Variants in RIBC2 observed in about 807,000 individuals in gnomAD.
RIBC2 encodes RIB43A domain with coiled-coils 2.
RIBC2 carries 40 observed loss-of-function variants against 44.3 expected under a neutral mutation model. That is an observed-to-expected ratio of 0.90 (90% confidence interval 0.70 to 1.18). RIBC2 has a LOEUF of 1.18. Ranked by LOEUF, RIBC2 falls within the 50% of genes most tolerant of loss-of-function variation. The pLI, the probability that RIBC2 is intolerant of heterozygous loss-of-function variation, is 0.00. For missense variants in RIBC2, 459 were observed against 485.5 expected (o/e 0.95, Z 0.51); for synonymous variants, 171 against 175.0 (o/e 0.98, Z 0.18).
chr22:45,414,144 G>A, intron 1 of RIBC2, 129 bp downstream of exon 1: 1 of 1,481,204 alleles, frequency 6.8e-7, no homozygotes, highest in East Asian at 2.5e-5. Flanking sequence ...CTCCTGCAGG[G>A]CCAATAATGC....
chr22:45,423,543 G>A (rs1394519839), intron 4 of RIBC2, among the ~76,000 whole-genome samples: 2 of 152,118 alleles, frequency 1.3e-5, no homozygotes, highest in Non-Finnish European at 1.5e-5. Flanking sequence ...CTATCATTAA[G>A]GTATAGTAGT....
In RIBC2 at chr22:45,417,775, G is replaced by T; in HGVS notation, c.385G>T (p.Ala129Ser). Residue 129 changes from alanine to serine, a missense_variant, in exon 3 of 7, where the codon GCC becomes TCC. Physicochemically the swap from Ala to Ser is moderately conservative, Grantham distance 99. Coordinates refer to ENST00000614167, the MANE Select transcript of RIBC2 (RefSeq NM_015653.5). ...CCTAGCCCTTAAGAAAGATCTTCCA[G>T]CCCGGCAGTCAGATAATGATGTTCG... ...DPLALKKDLP[A>S]RQSDNDVRNT... 6.2e-7 allele frequency: 1 copy of T among 1,614,150 alleles called. No individual in the cohort carries two copies. The highest frequency in any genetic ancestry group is 8.5e-7 in the Non-Finnish European group (1 of 1,180,028).
At chr22:45,421,595 G>GTAT (rs113745883) in intron 3 of RIBC2, among the ~76,000 whole-genome samples, 1 of 32,002 alleles carries the variant, frequency 3.1e-5, no homozygotes, top group Non-Finnish European at 5.3e-5. Flanking sequence ...AATAATAATA[G>GTAT]TATTATTAAT....
intron 3 of RIBC2, 57 bp downstream of exon 3, chr22:45,418,003 A>T: frequency 9.3e-7 from 1 of 1,069,966 alleles, no homozygotes. Flanking sequence ...AACCAACCCT[A>T]CAGTTTTTTT....
intron 2 of RIBC2, among the ~76,000 whole-genome samples, chr22:45,415,809 C>G (rs1439563561): frequency 1.3e-5 from 2 of 152,188 alleles, no homozygotes; most frequent in African/African-American, 4.8e-5. Context: ...AAGCAATTCT[C>G]CTGTCTCAGC....
At chr22:45,431,104 G>C in intron 6 of RIBC2, 38 bp downstream of exon 6, 1 of 1,554,100 alleles carries the variant, frequency 6.4e-7, no homozygotes, top group South Asian at 1.2e-5. Context: ...GTGGGGGACC[G>C]GGTGGAGGGA....
chr22:45,423,315 C>T (rs1458322466), intron 4 of RIBC2, among the ~76,000 whole-genome samples: 1 of 151,862 alleles, frequency 6.6e-6, no homozygotes, highest in Non-Finnish European at 1.5e-5. Context: ...GCCTCTCCCT[C>T]CCCCCACAAG....
chr22:45,422,438 C>T (rs113993286), intron 4 of RIBC2, 30 bp downstream of exon 4: 34 of 1,501,338 alleles, frequency 2.3e-5, no homozygotes, highest in Middle Eastern at 1.7e-4. Flanking sequence ...TCGGGCTCGA[C>T]GACTGGAGGG....
At chr22:45,431,871 G>C (rs2087583454) in intron 6 of RIBC2, among the ~76,000 whole-genome samples, 1 of 152,214 alleles carries the variant, frequency 6.6e-6, no homozygotes, top group Non-Finnish European at 1.5e-5. Context: ...TACTGGGGAG[G>C]CTGAGGCAGG....
At chr22:45,427,154 A>G (rs1286434834) in intron 5 of RIBC2, among the ~76,000 whole-genome samples, 1 of 152,220 alleles carries the variant, frequency 6.6e-6, no homozygotes, top group African/African-American at 2.4e-5. Flanking sequence ...ACCACACATA[A>G]CAGCATCTTA....
chr22:45,416,651 G>A (rs2087427766), intron 2 of RIBC2, among the ~76,000 whole-genome samples: 1 of 151,738 alleles, frequency 6.6e-6, no homozygotes, highest in Non-Finnish European at 1.5e-5. Context: ...TAGTAGAGAC[G>A]GGGTTTCACC....
At chr22:45,414,178 C>T in intron 1 of RIBC2, 144 bp from the exon 2 acceptor site, 2 of 1,477,236 alleles carry the variant, frequency 1.4e-6, no homozygotes, top group Non-Finnish European at 1.8e-6. Flanking sequence ...CGCCTGGAGT[C>T]ACCAACGGTT....
intron 4 of RIBC2, among the ~76,000 whole-genome samples, chr22:45,425,193 G>A (rs922537946): frequency 6.6e-6 from 1 of 152,184 alleles, no homozygotes; most frequent in African/African-American, 2.4e-5. Context: ...ACTTCCTTAG[G>A]GAGTACTCAG....
At chr22:45,423,830 G>C (rs1026133489) in intron 4 of RIBC2, among the ~76,000 whole-genome samples, 1 of 152,210 alleles carries the variant, frequency 6.6e-6, no homozygotes, top group Non-Finnish European at 1.5e-5. Flanking sequence ...AAAGAGGGGA[G>C]GCTGTTTGCT....
chr22:45,427,650 A>G (rs1316002290), intron 5 of RIBC2, among the ~76,000 whole-genome samples: 1 of 152,202 alleles, frequency 6.6e-6, no homozygotes, highest in African/African-American at 2.4e-5. Flanking sequence ...GTATGCATGT[A>G]TTTTGAGACA....
chr22:45,421,589 A>C (rs1445630465), intron 3 of RIBC2, among the ~76,000 whole-genome samples: 1 of 37,950 alleles, frequency 2.6e-5, no homozygotes, highest in Non-Finnish European at 4.6e-5. Flanking sequence ...ATTAATAATA[A>C]TAATAGTATT....
Position 45,413,876 on chromosome 22 carries a change from T to C in RIBC2, c.-11T>C. Reference sequence around the variant, plus strand: ...TGATCCTGCGTGTTCTAAAAACCCCTTAGGCTTTCCATGGGTTCCCAGACC... The same window carrying C: ...TGATCCTGCGTGTTCTAAAAACCCCCTAGGCTTTCCATGGGTTCCCAGACC... On this transcript the variant is annotated 5_prime_UTR_variant, in exon 1 of 7. Coordinates refer to ENST00000614167, the MANE Select transcript of RIBC2 (RefSeq NM_015653.5). The C allele has an allele frequency of 6.5e-7, 1 of 1,548,474 alleles. No individual in the cohort carries two copies. Among genetic ancestry groups the C allele is most frequent in the East Asian group, 2.4e-5 (1 of 40,824 alleles).
At chr22:45,418,005 A>AT in intron 3 of RIBC2, 59 bp downstream of exon 3, 20 of 871,912 alleles carry the variant, frequency 2.3e-5, no homozygotes, top group East Asian at 1.0e-4. Context: ...CCAACCCTAC[A>AT]GTTTTTTTTT....
At chr22:45,419,965 G>T (rs2087462195) in intron 3 of RIBC2, among the ~76,000 whole-genome samples, 1 of 152,190 alleles carries the variant, frequency 6.6e-6, no homozygotes, top group Admixed American at 6.5e-5. Context: ...GGCGGAGCTT[G>T]CAGTGAGCTG....
Sources: gnomAD v4.1 joint callset for allele counts (sites outside exome capture counted in the v4.1 genomes callset) on GRCh38, gnomAD v4.1.1 for gene constraint, MANE v1.5 for transcripts, NCBI Gene and HGNC (gene_info 2026-07-23, HGNC 2026-07-21) for gene names.